The following PPP2R5C variants were observed in gnomAD, a reference collection of about 807,000 sequenced individuals.
The protein encoded by PPP2R5C is serine/threonine-protein phosphatase 2A 56 kDa regulatory subunit gamma isoform.
In PPP2R5C, 7 loss-of-function variants were observed where a neutral mutation model predicts 68.9. That is an observed-to-expected ratio of 0.10 (90% CI 0.06 to 0.19). PPP2R5C has a LOEUF of 0.19. Ranked by LOEUF, PPP2R5C falls within the 10% of genes least tolerant of loss-of-function variation. The pLI is 1.00. For synonymous variants in PPP2R5C, 210 were observed against 222.2 expected (o/e 0.95, Z 0.49); for missense variants, 348 against 641.3 (o/e 0.54, Z 4.94).
intron 1 of PPP2R5C, chr14:101,820,126 G>A (rs1367997102): frequency 1.3e-5 from 2 of 152,156 alleles, no homozygotes; most frequent in African/African-American, 4.8e-5. Context: ...CAGACAAACT[G>A]TGGATATTAA....
chr14:101,820,482 A>G (rs562391483), intron 1 of PPP2R5C: 1 of 152,368 alleles, frequency 6.6e-6, no homozygotes, highest in East Asian at 1.9e-4. Flanking sequence ...CCGGGTGTTC[A>G]TGTAACTGAC....
chr14:101,849,293 G>A (rs1322348912), intron 1 of PPP2R5C, among the ~76,000 whole-genome samples: 5 of 152,162 alleles, frequency 3.3e-5, no homozygotes, highest in African/African-American at 9.7e-5. Flanking sequence ...TGTCAACCTC[G>A]TGTATCCTCA....
intron 1 of PPP2R5C, among the ~76,000 whole-genome samples, chr14:101,842,442 T>G (rs979803668): frequency 6.6e-6 from 1 of 152,188 alleles, no homozygotes; most frequent in African/African-American, 2.4e-5. Flanking sequence ...CACTGGAGCA[T>G]CCTGAGGAAA....
intron 8 of PPP2R5C, among the ~76,000 whole-genome samples, chr14:101,895,284 A>G (rs1026956390): frequency 3.9e-5 from 6 of 152,182 alleles, no homozygotes; most frequent in East Asian, 3.8e-4. Context: ...AAAATTTTTG[A>G]TACGTTACAT....
chr14:101,773,354 C>A (rs1476868146), intron 2 of PPP2R5C, among the ~76,000 whole-genome samples: 2 of 152,096 alleles, frequency 1.3e-5, no homozygotes, highest in Non-Finnish European at 2.9e-5. Flanking sequence ...CCTCTGGCAG[C>A]CCCTCTGCTG....
chr14:101,822,738 T>C (rs1221961899), intron 1 of PPP2R5C, among the ~76,000 whole-genome samples: 1 of 152,262 alleles, frequency 6.6e-6, no homozygotes, highest in East Asian at 1.9e-4. Context: ...TCAGTGGATA[T>C]GAATTCTGCA....
At chr14:101,788,260 A>G (rs1176236449) in intron 3 of PPP2R5C, among the ~76,000 whole-genome samples, 1 of 152,212 alleles carries the variant, frequency 6.6e-6, no homozygotes, top group East Asian at 1.9e-4. Flanking sequence ...CAGCCAGTGC[A>G]TGCTGGGTGT....
intron 3 of PPP2R5C, among the ~76,000 whole-genome samples, chr14:101,788,962 CT>C (rs1411287405): frequency 6.6e-6 from 1 of 152,106 alleles, no homozygotes; most frequent in East Asian, 1.9e-4. Context: ...TACTCTATAG[CT>C]TTTGTCACAC....
intron 5 of PPP2R5C, among the ~76,000 whole-genome samples, chr14:101,885,019 G>C (rs956405634): frequency 1.2e-4 from 18 of 152,224 alleles, no homozygotes; most frequent in Non-Finnish European, 2.5e-4. Context: ...TGCCTCTAAG[G>C]CATCTGACTC....
chr14:101,821,444 G>T lies in PPP2R5C; in HGVS notation c.94+11408G>T, dbSNP rs868717858. On this transcript the variant is annotated intron_variant, in intron 1 of 13. Coordinates refer to ENST00000334743, the Ensembl canonical transcript of PPP2R5C. ...GACCATTTTCTCCCTGTGGGGGGTG[G>T]GTGGGTGGGTGTGTGTGTGTGTGTG... is the stretch of plus-strand genomic sequence containing the variant. Among the ~76,000 whole-genome samples, 1,044 of 130,146 alleles carry T rather than the reference G, an allele frequency of 8.0e-3. 12 individuals carry two copies. Among genetic ancestry groups the T allele is most frequent in the African/African-American group, 0.026 (949 of 36,390 alleles). 85.4% of individuals were successfully genotyped at this position (130,146 alleles called of 152,430 possible). A position where few individuals can be genotyped will look rare whatever the true frequency, so the allele number is the denominator to read the frequency against.
chr14:101,925,000 G>A (rs1595572578), intron 13 of PPP2R5C, 141 bp from the exon 16 acceptor site: 19 of 932,090 alleles, frequency 2.0e-5, no homozygotes, highest in South Asian at 1.6e-4. Context: ...GACCTACGCC[G>A]TTTCCCTGTG....
chr14:101,876,431 G>A (rs1194552649), intron 2 of PPP2R5C, among the ~76,000 whole-genome samples: 1 of 150,004 alleles, frequency 6.7e-6, no homozygotes, highest in East Asian at 1.9e-4. Flanking sequence ...TTTTTTTAAT[G>A]TATCCCTTCA....
intron 1 of PPP2R5C, chr14:101,839,541 C>G (rs975267456): frequency 2.0e-5 from 3 of 152,534 alleles, no homozygotes; most frequent in Non-Finnish European, 4.4e-5. Context: ...TGGCTGCTTC[C>G]CTGCCTGCCC....
intron 2 of PPP2R5C, among the ~76,000 whole-genome samples, chr14:101,785,075 C>G (rs1435757912): frequency 2.0e-5 from 3 of 152,170 alleles, no homozygotes; most frequent in African/African-American, 7.2e-5. Context: ...TTGACCAGCC[C>G]TGGAGCTATG....
intron 1 of PPP2R5C, among the ~76,000 whole-genome samples, chr14:101,847,710 T>C (rs2041920081): frequency 1.4e-5 from 2 of 145,886 alleles, no homozygotes; most frequent in Admixed American, 1.4e-4. Context: ...ATCGCGAGGC[T>C]GGAGTGTGGT....
At chr14:101,908,935 C>T (rs983703486) in intron 10 of PPP2R5C, among the ~76,000 whole-genome samples, 3 of 152,210 alleles carry the variant, frequency 2.0e-5, no homozygotes, top group Non-Finnish European at 4.4e-5. Context: ...GCTACTGGCA[C>T]CTGTTGCTCA....
At chr14:101,794,268 T>G (rs768821078) in intron 3 of PPP2R5C, among the ~76,000 whole-genome samples, 54 of 152,208 alleles carry the variant, frequency 3.5e-4, no homozygotes, top group Non-Finnish European at 6.5e-4. Flanking sequence ...AAAATGTTGA[T>G]TTCTAGCATC....
At position 101,891,521 on chromosome 14, in the gene PPP2R5C, C is replaced by T. The variant is rs1437399940; in HGVS notation, c.689+1225C>T. Among the ~76,000 whole-genome samples, 1 of 152,206 alleles carries T rather than the reference C, an allele frequency of 6.6e-6. No homozygotes were observed. The highest frequency in any genetic ancestry group is 2.4e-5 in the African/African-American group (1 of 41,454). On this transcript the variant is annotated intron_variant, in intron 6 of 13. Transcript: ENST00000334743. The surrounding 1 kb of genome is among the most constrained non-coding windows in gnomAD (Gnocchi z 4.9). ...TACTTCTGTAAGATAGGCGCATCCT[C>T]GCATTTCCCTCCTAGGTTGTTGCAG...
upstream of PPP2R5C, chr14:101,809,707 C>T: frequency 1.3e-6 from 1 of 782,938 alleles, no homozygotes; most frequent in Non-Finnish European, 1.8e-6. Context: ...GGAAAATATC[C>T]CAGCTTTTAA....
Sources: gnomAD v4.1 joint callset for allele counts (sites outside exome capture counted in the v4.1 genomes callset) on GRCh38, gnomAD v4.1.1 for gene constraint, Gnocchi (gnomAD v3.1) non-coding constraint, MANE v1.5 for transcripts, NCBI Gene and HGNC (gene_info 2026-07-23, HGNC 2026-07-21) for gene names.